The following HUNK variants were observed in gnomAD, a reference collection of about 807,000 sequenced individuals.
The protein encoded by HUNK is hormonally up-regulated neu tumor-associated kinase.
HUNK carries 21 observed loss-of-function variants against 61.0 expected under a neutral mutation model. The ratio of observed to expected loss-of-function variants is 0.34; its 90% confidence interval spans 0.24 to 0.50. The LOEUF is 0.50. Ranked by LOEUF, HUNK falls within the 20% of genes least tolerant of loss-of-function variation. HUNK has a pLI of 0.98. For synonymous variants in HUNK, 371 were observed against 386.1 expected, an observed-to-expected ratio of 0.96 and a Z score of 0.46; for missense variants, 772 against 945.7, an observed-to-expected ratio of 0.82 and a Z score of 2.41.
chr21:32,000,665 G>GTA lies in HUNK; in HGVS notation c.*1481_*1482insTA. Reference sequence around the variant, plus strand: ...ACCTCAGATAGTCATCTCAGTCCAAGGATCCCAAAACACAAATCTAGAATT... The same window carrying GTA: ...ACCTCAGATAGTCATCTCAGTCCAAGTAGATCCCAAAACACAAATCTAGAATT... On this transcript the variant is annotated 3_prime_UTR_variant, in exon 11 of 11. Transcript: ENST00000270112. 1 of 398,914 alleles carries GTA rather than the reference G, an allele frequency of 2.5e-6. No individual in the cohort carries two copies. Among genetic ancestry groups the GTA allele is most frequent in the East Asian group, 3.6e-5 (1 of 28,072 alleles). 24.7% of individuals were successfully genotyped at this position (398,914 alleles called of 1,614,324 possible).
At chr21:31,910,422 C>T (rs1601372660) in intron 1 of HUNK, among the ~76,000 whole-genome samples, 2 of 152,042 alleles carry the variant, frequency 1.3e-5, no homozygotes, top group African/African-American at 4.8e-5. Context: ...CCTTATTTCC[C>T]TGTTTAAAGG....
chr21:31,877,726 C>G (rs149187484), intron 1 of HUNK, among the ~76,000 whole-genome samples: 1 of 152,074 alleles, frequency 6.6e-6, no homozygotes, highest in Non-Finnish European at 1.5e-5. Flanking sequence ...GGCTTTGAGA[C>G]GAAGAGCAAA....
chr21:31,873,678 CCGG>C lies in HUNK; in HGVS notation c.14_16del (p.Ala5del). The C allele has an allele frequency of 9.9e-7, 1 of 1,014,780 alleles. No individual in the cohort carries two copies. The highest frequency in any genetic ancestry group is 1.2e-6 in the Non-Finnish European group (1 of 850,110). 62.9% of individuals were successfully genotyped at this position (1,014,780 alleles called of 1,614,324 possible). On this transcript the variant is annotated inframe_deletion, in exon 1 of 11. Coordinates refer to ENST00000270112, the MANE Select transcript of HUNK (RefSeq NM_014586.2). The surrounding 1 kb of genome is among the most constrained non-coding windows in gnomAD (Gnocchi z 6.1). ...CGCGCGGGCCGCGGCGAGCGCGATG[CCGG>C]CGGCGGCGGGGGACGGGCTCCTGGG... is the stretch of plus-strand genomic sequence containing the variant.
In HUNK at chr21:31,916,474, T is replaced by C. The variant is rs1220180127; in HGVS notation, c.262-7994T>C. ...CCCTTATTCTAAGTAAAATTCTACA[T>C]TGGATTTTTTTCTCCTAATACCTAA... On this transcript the variant is annotated intron_variant, in intron 1 of 10. Transcript: ENST00000270112. 3.3e-5 allele frequency among the ~76,000 whole-genome samples: 5 copies of C among 152,056 alleles called. No individual in the cohort carries two copies. The East Asian group carries it at 7.7e-4, about 23-fold the overall frequency.
chr21:31,935,692 A>G (rs974303441), intron 2 of HUNK, among the ~76,000 whole-genome samples: 1 of 152,172 alleles, frequency 6.6e-6, no homozygotes, highest in Non-Finnish European at 1.5e-5. Flanking sequence ...GCTTCTTTCA[A>G]TTAAAAGCAT....
chr21:31,878,183 T>C (rs1019916913), intron 1 of HUNK, among the ~76,000 whole-genome samples: 1 of 135,744 alleles, frequency 7.4e-6, no homozygotes, highest in East Asian at 2.1e-4. Context: ...CGCTTGAATG[T>C]GGGAGGTGGA....
rs1326290329 is a variant in HUNK, at chr21:31,924,302, T to C, written c.262-166T>C. On this transcript the variant is annotated intron_variant, in intron 1 of 10. Transcript: ENST00000270112. The surrounding 1 kb of genome is among the most constrained non-coding windows in gnomAD (Gnocchi z 5.1). ...TGTGTGTGTTTGTGTGGTATATGCA[T>C]AAATATAAATGTGTATATATATATT... 1.3e-5 allele frequency among the ~76,000 whole-genome samples: 2 copies of C among 150,240 alleles called. No homozygotes were observed. Among genetic ancestry groups the C allele is most frequent in the Non-Finnish European group, 2.9e-5 (2 of 68,018 alleles).
chr21:31,958,719 GA>G (rs2052906499), intron 4 of HUNK, 123 bp from the exon 5 acceptor site: 1 of 868,588 alleles, frequency 1.2e-6, no homozygotes, highest in Admixed American at 2.4e-5. Flanking sequence ...AGATGACTTT[GA>G]AGAGGGCCTG....
chr21:31,980,648 C>T (rs2053090850), intron 7 of HUNK, among the ~76,000 whole-genome samples: 2 of 152,150 alleles, frequency 1.3e-5, no homozygotes, highest in African/African-American at 4.8e-5. Flanking sequence ...CTGCCCACCT[C>T]TACCACCCAA....
chr21:32,000,045 G>GCAA lies in HUNK; in HGVS notation c.*862_*864dup. 5.0e-6 allele frequency: 2 copies of GCAA among 397,744 alleles called. No homozygotes were observed. The highest frequency in any genetic ancestry group is 8.9e-6 in the Non-Finnish European group (2 of 225,942). 24.6% of individuals were successfully genotyped at this position (397,744 alleles called of 1,614,324 possible). A position where few individuals can be genotyped will look rare whatever the true frequency, so the allele number is the denominator to read the frequency against. On this transcript the variant is annotated 3_prime_UTR_variant, in exon 11 of 11. Transcript: ENST00000270112. The stretch of plus-strand genomic sequence containing the variant: ...CTGAGTGCTGTGGCCCACAGGCAGG[G>GCAA]CAAGTCTCGGTGGCCCTGTGTTCAT...
At chr21:31,997,462 T>C (rs939620039) in intron 10 of HUNK, among the ~76,000 whole-genome samples, 2 of 152,226 alleles carry the variant, frequency 1.3e-5, no homozygotes, top group South Asian at 2.1e-4. Flanking sequence ...GAGGACATTA[T>C]GCTAAGTGAA....
At chr21:31,923,564 A>AG in intron 1 of HUNK, among the ~76,000 whole-genome samples, 1 of 120,198 alleles carries the variant, frequency 8.3e-6, no homozygotes, top group Non-Finnish European at 1.6e-5. Context: ...GAAGGAAGGA[A>AG]GGAAGGAAGC....
In HUNK at chr21:32,002,068, G is replaced by A. The variant is rs1312317701; in HGVS notation, c.*2884G>A. On this transcript the variant is annotated 3_prime_UTR_variant, in exon 11 of 11. Transcript: ENST00000270112. ...TAAGTACGTTGCAAATAATAGTACA[G>A]GTACCATCTTTTATGTGAAGTTCTT... 6.6e-6 allele frequency: 1 copy of A among 152,550 alleles called. No individual in the cohort carries two copies. Among genetic ancestry groups the A allele is most frequent in the African/African-American group, 2.4e-5 (1 of 41,428 alleles). The allele number at this position is 152,550 out of a possible 1,614,324, so 9.4% of individuals were successfully genotyped here.
chr21:31,873,567 C>A lies in HUNK; in HGVS notation c.-108C>A. The A allele has an allele frequency of 1.1e-6, 1 of 890,792 alleles. No individual in the cohort carries two copies. Among genetic ancestry groups the A allele is most frequent in the Non-Finnish European group, 1.3e-6 (1 of 743,640 alleles). The allele number at this position is 890,792 out of a possible 1,614,324, so 55.2% of individuals were successfully genotyped here. On this transcript the variant is annotated 5_prime_UTR_variant, in exon 1 of 11. It adds an upstream start codon to the 5' untranslated region. Transcript: ENST00000270112. This position sits in a 1 kb window ranked among gnomAD's most constrained non-coding sequence, Gnocchi z 6.1. ...TCTGGGTGCGGAGACCCAGGCGGGG[C>A]TGGGCCCAGGGCGGCGGCGGGAGAA...
rs559048612 is a variant in HUNK, at chr21:31,908,707, C to T, written c.262-15761C>T. 1.9e-4 allele frequency among the ~76,000 whole-genome samples: 29 copies of T among 152,142 alleles called. 1 individual carries two copies. In the East Asian group the frequency reaches 5.0e-3, roughly 26 times the overall value. ...AACCAGCCCATTGTTTTTTGGATCC[C>T]GTGGATCTGTTTGCTTTTAGATTAT... On this transcript the variant is annotated intron_variant, in intron 1 of 10. Transcript: ENST00000270112.
chr21:31,932,217 C>G (rs573817621), intron 2 of HUNK, among the ~76,000 whole-genome samples: 18 of 152,224 alleles, frequency 1.2e-4, no homozygotes, highest in Non-Finnish European at 2.2e-4. Context: ...TTCCACTTCC[C>G]CAGCACTGCT....
chr21:31,911,487 G>T (rs972820369), intron 1 of HUNK, among the ~76,000 whole-genome samples: 1 of 152,206 alleles, frequency 6.6e-6, no homozygotes, highest in African/African-American at 2.4e-5. Flanking sequence ...GAACAACGAG[G>T]AGGCGGGTCA....
At chr21:31,954,923 C>A (rs984540792) in intron 4 of HUNK, among the ~76,000 whole-genome samples, 3 of 152,136 alleles carry the variant, frequency 2.0e-5, no homozygotes, top group Non-Finnish European at 4.4e-5. Context: ...TTGGGACTTA[C>A]AGGCGCATGC....
intron 1 of HUNK, among the ~76,000 whole-genome samples, chr21:31,892,275 GAA>G (rs34123262): frequency 6.7e-6 from 1 of 148,544 alleles, no homozygotes; most frequent in Non-Finnish European, 1.5e-5. Flanking sequence ...TGTTAGTCAA[GAA>G]AAAAGTGGCC....
Sources: allele counts gnomAD v4.1 joint callset (sites outside exome capture counted in the v4.1 genomes callset), GRCh38; gene constraint gnomAD v4.1.1; non-coding constraint Gnocchi (gnomAD v3.1); transcripts MANE v1.5; gene names NCBI Gene and HGNC (gene_info 2026-07-23, HGNC 2026-07-21).